Variants in EP400 observed in about 807,000 individuals in gnomAD.
The protein encoded by EP400 is E1A-binding protein p400.
A neutral mutation model predicts 354.1 loss-of-function variants in EP400; 105 were observed. The observed-to-expected ratio is 0.30, with a 90% CI of 0.25 to 0.35. The LOEUF (loss-of-function observed/expected upper bound fraction) is 0.35, where lower values mean the gene tolerates loss of function less well. Among genes scored for constraint, EP400 ranks in the 10% least tolerant of loss-of-function variants. The pLI, the probability that EP400 is intolerant of heterozygous loss-of-function variation, is 1.00. For synonymous variants in EP400, 1,646 were observed against 1,716.9 expected (o/e 0.96, Z 1.02); for missense variants, 3,280 against 4,121.0 (o/e 0.80, Z 5.59).
Position 131,960,973 on chromosome 12 carries a change from A to C in EP400, c.354A>C (p.Pro118=), listed in dbSNP as rs1160014855. The C allele has an allele frequency of 1.9e-6, 3 of 1,609,710 alleles. No homozygotes were observed. The highest frequency in any genetic ancestry group is 8.5e-7 in the Non-Finnish European group (1 of 1,178,464). The change falls in exon 2 of 53, where the codon CCA becomes CCC. Residue 118 remains proline (P), a synonymous_variant. Coordinates refer to ENST00000389561, the MANE Select transcript of EP400 (RefSeq NM_015409.5). ...AQPRRFEHGS[P]SYIQVTSPLS... ...CTCGGCGGTTTGAGCATGGGTCTCC[A>C]TCATACATTCAGGTCACGTCCCCCT...
At chr12:131,989,908 T>G in intron 7 of EP400, 56 bp from the exon 8 acceptor site, 1 of 1,588,220 alleles carries the variant, frequency 6.3e-7, no homozygotes. Context: ...ACATATCCTT[T>G]TTTTTCCAGC....
In EP400 at chr12:131,966,299, A is replaced by G. The variant is rs375638697; in HGVS notation, c.1335+4345A>G. 2.1e-3 allele frequency among the ~76,000 whole-genome samples: 322 copies of G among 152,182 alleles called. 3 individuals carry two copies. The highest frequency in any genetic ancestry group is 7.3e-3 in the African/African-American group (305 of 41,508). ...AATTTAAGACCAGCCTGGACTAGGCATGATGGCTCATGCCTGTAGTCCCAG... is the reference window on the plus strand; with the variant it reads ...AATTTAAGACCAGCCTGGACTAGGCGTGATGGCTCATGCCTGTAGTCCCAG... On this transcript the variant is annotated intron_variant, in intron 2 of 52. Transcript: ENST00000389561.
At chr12:131,991,901 A>G (rs1487983457) in intron 10 of EP400, among the ~76,000 whole-genome samples, 4 of 152,120 alleles carry the variant, frequency 2.6e-5, no homozygotes, top group Admixed American at 6.5e-5. Context: ...ACTCCCTTTC[A>G]TTATAGACTC....
chr12:132,008,776 C>T lies in EP400; in HGVS notation c.3304+1899C>T, dbSNP rs117614897. On this transcript the variant is annotated intron_variant, in intron 15 of 52. Transcript: ENST00000389561. ...GGGACTACAGACGCTTGTCACTATG[C>T]CTGGCTAATTTTTTTGTATTTTTGG... Among the ~76,000 whole-genome samples the T allele has an allele frequency of 7.1e-3, 1,069 of 151,384 alleles. 34 individuals carry two copies. The South Asian group carries it at 0.093, about 13-fold the overall frequency.
At position 131,969,921 on chromosome 12, in the gene EP400, C is replaced by T. The variant is rs1195861604; in HGVS notation, c.1335+7967C>T. ...AAAATGAGCTGGGTGTGGTGATGTG[C>T]GTCTGTAGTCCCAACTACTCAGGAA... On this transcript the variant is annotated intron_variant, in intron 2 of 52. Transcript: ENST00000389561. Among the ~76,000 whole-genome samples, 14 of 152,024 alleles carry T rather than the reference C, an allele frequency of 9.2e-5. 1 individual carries two copies.
In EP400 at chr12:132,027,341, G is replaced by T; in HGVS notation, c.5015-96G>T. On this transcript the variant is annotated intron_variant, in intron 25 of 52. Transcript: ENST00000389561. This position sits in a 1 kb window ranked among gnomAD's most constrained non-coding sequence, Gnocchi z 4.9. Reference sequence around the variant, plus strand: ...TGCAGAATGACTTTCTGTGGAGTGTGCTGGTGGAGGGTGAGGTTCCATGGA... The same window carrying T: ...TGCAGAATGACTTTCTGTGGAGTGTTCTGGTGGAGGGTGAGGTTCCATGGA... 8.3e-7 allele frequency: 1 copy of T among 1,207,708 alleles called. No individual in the cohort carries two copies. 74.8% of individuals were successfully genotyped at this position (1,207,708 alleles called of 1,614,324 possible).
rs1255295014 is a variant in EP400 at position 132,054,595 on chromosome 12, A to G, written c.7729-379A>G. Among the ~76,000 whole-genome samples the G allele has an allele frequency of 6.6e-6, 1 of 152,194 alleles. No individual in the cohort carries two copies. Among genetic ancestry groups the G allele is most frequent in the Non-Finnish European group, 1.5e-5 (1 of 68,042 alleles). On this transcript the variant is annotated intron_variant, in intron 43 of 52. Coordinates refer to ENST00000389561, the MANE Select transcript of EP400 (RefSeq NM_015409.5). This position sits in a 1 kb window ranked among gnomAD's most constrained non-coding sequence, Gnocchi z 4.0. ...AGGAGTTGGTCATAAGAAGAACAAA[A>G]CAGCAAGTACAGAGGCCCTGAGCTT...
Position 131,992,217 on chromosome 12 carries a change from G to T in EP400, c.2724G>T (p.Leu908Phe). ...GAAAAAGAAAAGCTAGCATATCTTT[G>T]ACTGATGACGAAGGTCTGTTCCCCC... Reference protein sequence around the residue: ...SGRKRKASISLTDDEVDDEEE... With the variant: ...SGRKRKASISFTDDEVDDEEE... The change falls in exon 11 of 53, where the codon TTG becomes TTT. Residue 908 changes from leucine (L) to phenylalanine (F), a missense_variant. Physicochemically the swap from Leu to Phe is conservative, Grantham distance 22. Transcript: ENST00000389561. The T allele has an allele frequency of 6.2e-7, 1 of 1,610,330 alleles. No homozygotes were observed. The highest frequency in any genetic ancestry group is 8.5e-7 in the Non-Finnish European group (1 of 1,179,806).
chr12:132,032,101 A>G lies in EP400; in HGVS notation c.5903A>G (p.Gln1968Arg). ...DLNPVMDAKAQEWCDRIGRCK... is the reference protein window; with the variant it reads ...DLNPVMDAKAREWCDRIGRCK... Reference sequence around the variant, plus strand: ...AATCCAGTGATGGATGCCAAAGCTCAGGAGTGGTGCGATAGGATCGGGAGA... The same window carrying G: ...AATCCAGTGATGGATGCCAAAGCTCGGGAGTGGTGCGATAGGATCGGGAGA... The change falls in exon 30 of 53, where the codon CAG (glutamine) becomes CGG (arginine). Residue 1968 changes from glutamine (Q) to arginine (R), a missense_variant. Physicochemically the swap from Gln to Arg is conservative, Grantham distance 43. Coordinates refer to ENST00000389561, the MANE Select transcript of EP400 (RefSeq NM_015409.5). The G allele has an allele frequency of 6.2e-7, 1 of 1,613,448 alleles. No homozygotes were observed. The highest frequency in any genetic ancestry group is 8.5e-7 in the Non-Finnish European group (1 of 1,179,334).
chr12:132,027,668 CATTTTCTAATAAAAT>C lies in EP400; in HGVS notation c.5109+139_5109+153del. The stretch of plus-strand genomic sequence containing the variant: ...TACTGAATTCTTATTTTAAAACACA[CATTTTCTAATAAAAT>C]AAATGAAACTGGACTTACGACTGCC... On this transcript the variant is annotated intron_variant, in intron 26 of 52. Transcript: ENST00000389561. The surrounding 1 kb of genome is among the most constrained non-coding windows in gnomAD (Gnocchi z 4.9). 1.4e-6 allele frequency: 1 copy of C among 739,958 alleles called. No homozygotes were observed. The highest frequency in any genetic ancestry group is 2.2e-6 in the Non-Finnish European group (1 of 464,136). The allele number at this position is 739,958 out of a possible 1,614,324, so 45.8% of individuals were successfully genotyped here.
intron 32 of EP400, among the ~76,000 whole-genome samples, chr12:132,040,011 A>G (rs924583042): frequency 2.6e-5 from 4 of 152,206 alleles, no homozygotes; most frequent in East Asian, 1.9e-4. Context: ...CTGCACTCCA[A>G]CCTGGGTGAC....
intron 52 of EP400, among the ~76,000 whole-genome samples, chr12:132,076,927 C>G (rs933601753): frequency 6.6e-6 from 1 of 152,244 alleles, no homozygotes; most frequent in Non-Finnish European, 1.5e-5. Context: ...CGGGGCCCGC[C>G]CTTGAGCAGA....
chr12:132,013,081 T>C lies in EP400; in HGVS notation c.3514T>C (p.Phe1172Leu). Residue 1172 changes from phenylalanine to leucine, a missense_variant, in exon 17 of 53, where the codon TTC becomes CTC. Physicochemically the swap from Phe to Leu is conservative, Grantham distance 22 (BLOSUM62 0). Coordinates refer to ENST00000389561, the MANE Select transcript of EP400 (RefSeq NM_015409.5). This position sits in a 1 kb window ranked among gnomAD's most constrained non-coding sequence, Gnocchi z 4.5. ...YTQFFRGLTA[F>L]TRVRWKCLVI... ...TCAGTTCTTCCGGGGCCTCACCGCC[T>C]TCACACGAGTGCGCTGGAAGTGCCT... The C allele has an allele frequency of 6.2e-7, 1 of 1,614,090 alleles. No homozygotes were observed. The highest frequency in any genetic ancestry group is 8.5e-7 in the Non-Finnish European group (1 of 1,180,014).
At chr12:132,033,309 A>G (rs1489873608) in intron 30 of EP400, among the ~76,000 whole-genome samples, 1 of 152,200 alleles carries the variant, frequency 6.6e-6, no homozygotes, top group African/African-American at 2.4e-5. Flanking sequence ...AAATGGGGAA[A>G]GGTTACTGTA....
Position 132,038,144 on chromosome 12 carries a change from CG to C in EP400, c.6207+50del, listed in dbSNP as rs1555221759. ...TGAAGAGTTGCACGGTGGGAGCCGG[CG>C]GAACACCTGCACCCTCCCCCAGGGT... On this transcript the variant is annotated intron_variant, in intron 32 of 52. Transcript: ENST00000389561. This position sits in a 1 kb window ranked among gnomAD's most constrained non-coding sequence, Gnocchi z 4.2. The C allele has an allele frequency of 5.6e-6, 9 of 1,608,076 alleles. No homozygotes were observed. Among genetic ancestry groups the C allele is most frequent in the Non-Finnish European group, 7.7e-6 (9 of 1,176,390 alleles).
In EP400 at chr12:132,045,513, C is replaced by G; in HGVS notation, c.6979C>G (p.Gln2327Glu). 1 of 1,614,196 alleles carries G rather than the reference C, an allele frequency of 6.2e-7. No homozygotes were observed. The highest frequency in any genetic ancestry group is 8.5e-7 in the Non-Finnish European group (1 of 1,180,042). The change falls in exon 38 of 53, where the codon CAA becomes GAA. Residue 2327 changes from glutamine to glutamate, a missense_variant. By Grantham distance (29) the Gln-to-Glu change is conservative. This residue lies in a region of EP400 where 231 missense variants were observed against 257.9 expected (regional missense o/e 0.90). Transcript: ENST00000389561. ...TFAKPTAEPG[Q>E]DNPEWLISED... The stretch of plus-strand genomic sequence containing the variant: ...TGCCAAACCCACAGCTGAGCCTGGT[C>G]AAGACAACCCCGAGTGGCTCATCAG...
intron 11 of EP400, 147 bp downstream of exon 11, chr12:131,992,377 T>C (rs766153012): frequency 6.6e-6 from 5 of 751,994 alleles, no homozygotes; most frequent in Non-Finnish European, 1.1e-5. Context: ...TCTCAGTGTA[T>C]AGAGTACTTT....
Position 132,070,478 on chromosome 12 carries a change from G to A in EP400, c.9021+837G>A, listed in dbSNP as rs947665312. Among the ~76,000 whole-genome samples, 2 of 152,252 alleles carry A rather than the reference G, an allele frequency of 1.3e-5. No homozygotes were observed. Among genetic ancestry groups the A allele is most frequent in the Admixed American group, 6.5e-5 (1 of 15,284 alleles). ...GTCCCACGGCGCTCTCGCTATGAGC[G>A]GCAGTGACACTTGGTGTCTGGAGGG... On this transcript the variant is annotated intron_variant, in intron 51 of 52. Coordinates refer to ENST00000389561, the MANE Select transcript of EP400 (RefSeq NM_015409.5). This position sits in a 1 kb window ranked among gnomAD's most constrained non-coding sequence, Gnocchi z 4.1.
intron 32 of EP400, among the ~76,000 whole-genome samples, chr12:132,039,060 G>T (rs1035583171): frequency 5.3e-5 from 8 of 151,992 alleles, no homozygotes; most frequent in African/African-American, 1.7e-4. Flanking sequence ...GCACCTGTCC[G>T]CCGACACCCG....
Sources: gnomAD v4.1 joint callset for allele counts (sites outside exome capture counted in the v4.1 genomes callset) on GRCh38, gnomAD v4.1.1 for gene constraint, gnomAD v4.1.1 regional missense constraint, Gnocchi (gnomAD v3.1) non-coding constraint, MANE v1.5 for transcripts, NCBI Gene and HGNC (gene_info 2026-07-23, HGNC 2026-07-21) for gene names.